Variants in DMXL2 observed in about 807,000 individuals in gnomAD.
The protein encoded by DMXL2 is dmX-like protein 2.
In DMXL2, 103 loss-of-function variants were observed where a neutral mutation model predicts 331.1. The ratio of observed to expected loss-of-function variants is 0.31; its 90% CI spans 0.27 to 0.37. DMXL2 has a LOEUF of 0.37. DMXL2 is among the 10% of genes least tolerant of loss of function. The pLI, the probability that DMXL2 is intolerant of heterozygous loss-of-function variation, is 1.00. For missense variants in DMXL2, 3,171 were observed against 3,642.9 expected (o/e 0.87, Z 3.33); for synonymous variants, 1,281 against 1,252.1 (o/e 1.02, Z -0.49).
rs955640484 is a variant in DMXL2, at chr15:51,599,207, G to A, written c.88-23026C>T. On this transcript the variant is annotated intron_variant, in intron 1 of 43. Coordinates refer to ENST00000560891, the MANE Select transcript of DMXL2 (RefSeq NM_001378457.1). ...TTCTTTGAGCAATTCCTTACTTTCT[G>A]GCACAAGAAATTCCAGATTCATCTC... Among the ~76,000 whole-genome samples, 4 of 152,102 alleles carry A rather than the reference G, an allele frequency of 2.6e-5. No homozygotes were observed. The East Asian group carries it at 7.7e-4, about 29-fold the overall frequency.
chr15:51,548,882 T>C (rs1006936210), intron 6 of DMXL2, among the ~76,000 whole-genome samples: 10 of 151,348 alleles, frequency 6.6e-5, no homozygotes, highest in African/African-American at 9.7e-5. Context: ...AAAGGGGGAG[T>C]TGCAGTTACC....
intron 6 of DMXL2, among the ~76,000 whole-genome samples, chr15:51,556,355 G>GAAAA (rs59460472): frequency 8.4e-6 from 1 of 118,976 alleles, no homozygotes; most frequent in Non-Finnish European, 1.7e-5. Context: ...AAAAAAAAAA[G>GAAAA]AAAAAAAAAA....
At chr15:51,501,569 C>T (rs2043607221) in intron 17 of DMXL2, among the ~76,000 whole-genome samples, 2 of 152,226 alleles carry the variant, frequency 1.3e-5, no homozygotes, top group South Asian at 4.1e-4. Context: ...TGTATTTGTT[C>T]TTCAAAATTT....
At chr15:51,463,800 T>C (rs555683071) in intron 32 of DMXL2, among the ~76,000 whole-genome samples, 1 of 152,292 alleles carries the variant, frequency 6.6e-6, no homozygotes, top group Admixed American at 6.5e-5. Flanking sequence ...ATACTTTATA[T>C]TGGTTCTCTT....
intron 6 of DMXL2, among the ~76,000 whole-genome samples, chr15:51,556,706 A>G (rs1596248486): frequency 6.6e-6 from 1 of 152,032 alleles, no homozygotes; most frequent in Non-Finnish European, 1.5e-5. Flanking sequence ...TGGGAAGCTG[A>G]GATTGCAGTG....
At chr15:51,504,048 C>T (rs950559420) in intron 16 of DMXL2, among the ~76,000 whole-genome samples, 1 of 151,980 alleles carries the variant, frequency 6.6e-6, no homozygotes, top group Non-Finnish European at 1.5e-5. Flanking sequence ...GTGCTTACAA[C>T]CTTTAAAACA....
At chr15:51,524,286 T>C (rs2140763550) in intron 13 of DMXL2, among the ~76,000 whole-genome samples, 2 of 152,346 alleles carry the variant, frequency 1.3e-5, no homozygotes, top group Middle Eastern at 6.8e-3. Flanking sequence ...TTAATTTTCT[T>C]GATTCCTCAA....
At chr15:51,533,214 G>A (rs1018336781) in intron 13 of DMXL2, among the ~76,000 whole-genome samples, 1 of 152,032 alleles carries the variant, frequency 6.6e-6, no homozygotes, top group Non-Finnish European at 1.5e-5. Context: ...GAGATGGGGG[G>A]GTCTCACTAT....
At chr15:51,520,024 T>C (rs2047267925) in intron 13 of DMXL2, among the ~76,000 whole-genome samples, 1 of 152,170 alleles carries the variant, frequency 6.6e-6, no homozygotes, top group South Asian at 2.1e-4. Flanking sequence ...AAGAAAGCAA[T>C]ACAAATTTTT....
At chr15:51,451,593 G>T in intron 42 of DMXL2, 52 bp downstream of exon 42, 3 of 1,361,832 alleles carry the variant, frequency 2.2e-6, no homozygotes, top group Non-Finnish European at 3.1e-6. Flanking sequence ...ATTCCTTCAT[G>T]GTGTATTATT....
intron 1 of DMXL2, among the ~76,000 whole-genome samples, chr15:51,614,906 A>G (rs2054197802): frequency 6.6e-6 from 1 of 152,240 alleles, no homozygotes; most frequent in Admixed American, 6.5e-5. Context: ...GGCTAGAGTC[A>G]GAAAAGGCAG....
chr15:51,514,490 C>T lies in DMXL2; in HGVS notation c.2596G>A (p.Glu866Lys). ...TCTGTTTCCTTTTTCTCCATATCTT[C>T]CTTATGTGGTTTATATCCTATAATG... ...DFIIGYKPHK[E>K]DMEKKETEIF... The change falls in exon 15 of 44, where the codon GAA (glutamate) becomes AAA (lysine). Residue 866 changes from glutamate (E) to lysine (K), a missense_variant. Physicochemically the swap from Glu to Lys is moderately conservative, Grantham distance 56 (BLOSUM62 1). This residue lies in a region of DMXL2 where 1,674 missense variants were observed against 1,780.2 expected (regional missense o/e 0.94). Coordinates refer to ENST00000560891, the MANE Select transcript of DMXL2 (RefSeq NM_001378457.1). 6.3e-7 allele frequency: 1 copy of T among 1,596,636 alleles called. No individual in the cohort carries two copies. Among genetic ancestry groups the T allele is most frequent in the African/African-American group, 1.4e-5 (1 of 73,766 alleles).
intron 1 of DMXL2, among the ~76,000 whole-genome samples, chr15:51,590,617 T>TTAGG (rs1473942934): frequency 1.3e-5 from 2 of 152,150 alleles, no homozygotes; most frequent in African/African-American, 2.4e-5. Flanking sequence ...GGACTCAAAC[T>TTAGG]CCTAGGCTCA....
chr15:51,457,555 C>T, intron 36 of DMXL2, 89 bp from the exon 37 acceptor site: 2 of 1,426,186 alleles, frequency 1.4e-6, no homozygotes, highest in South Asian at 2.8e-5. Context: ...ACCCATAGGA[C>T]AATCTTTATT....
intron 28 of DMXL2, 97 bp from the exon 29 acceptor site, chr15:51,471,498 T>C (rs1474930761): frequency 8.3e-7 from 1 of 1,198,942 alleles, no homozygotes; most frequent in Non-Finnish European, 1.2e-6. Context: ...TGCCATGTTT[T>C]GGTCTAAACT....
At chr15:51,570,933 C>T (rs1280991299) in intron 2 of DMXL2, among the ~76,000 whole-genome samples, 1 of 152,090 alleles carries the variant, frequency 6.6e-6, no homozygotes, top group Non-Finnish European at 1.5e-5. Flanking sequence ...TCACACATCA[C>T]AATATTAACC....
At chr15:51,610,911 T>C (rs1395590819) in intron 1 of DMXL2, among the ~76,000 whole-genome samples, 1 of 152,174 alleles carries the variant, frequency 6.6e-6, no homozygotes, top group African/African-American at 2.4e-5. Flanking sequence ...AAAAGTCTCA[T>C]ATATTCAGAA....
At chr15:51,505,370 A>G (rs1408191049) in intron 16 of DMXL2, among the ~76,000 whole-genome samples, 1 of 152,210 alleles carries the variant, frequency 6.6e-6, no homozygotes, top group African/African-American at 2.4e-5. Context: ...TTAGTGAGAC[A>G]CACGCTTCAT....
intron 18 of DMXL2, among the ~76,000 whole-genome samples, 176 bp downstream of exon 18, chr15:51,498,376 G>C (rs1183862023): frequency 6.6e-6 from 1 of 152,124 alleles, no homozygotes; most frequent in Non-Finnish European, 1.5e-5. Flanking sequence ...TCATATGCCG[G>C]CCTCAACCGT....
Sources: gnomAD v4.1 joint callset for allele counts (sites outside exome capture counted in the v4.1 genomes callset) on GRCh38, gnomAD v4.1.1 for gene constraint, gnomAD v4.1.1 regional missense constraint, MANE v1.5 for transcripts, NCBI Gene and HGNC (gene_info 2026-07-23, HGNC 2026-07-21) for gene names.